Variants in MOB3B observed in about 807,000 individuals in gnomAD.
The protein encoded by MOB3B is MOB kinase activator-like 2B.
In MOB3B, 7 loss-of-function variants were observed where a neutral mutation model predicts 18.7. The observed-to-expected ratio is 0.37, with a 90% CI of 0.21 to 0.70. The LOEUF (loss-of-function observed/expected upper bound fraction) is 0.70. MOB3B is among the 30% of genes least tolerant of loss of function. The pLI, the probability that MOB3B is intolerant of heterozygous loss-of-function variation, is 0.52. For missense variants in MOB3B, 253 were observed against 281.3 expected, an observed-to-expected ratio of 0.90 and a Z score of 0.72; for synonymous variants, 111 against 99.9, an observed-to-expected ratio of 1.11 and a Z score of -0.66.
At chr9:27,337,376 C>T (rs1042160537) in intron 3 of MOB3B, among the ~76,000 whole-genome samples, 1 of 152,096 alleles carries the variant, frequency 6.6e-6, no homozygotes, top group African/African-American at 2.4e-5. Context: ...TTGAAAATTC[C>T]CTCTCTCATG....
chr9:27,520,390 G>A (rs892013750), intron 1 of MOB3B, among the ~76,000 whole-genome samples: 1 of 152,242 alleles, frequency 6.6e-6, no homozygotes, highest in Admixed American at 6.5e-5. Context: ...TGGAAACCAT[G>A]TTAGCATGTC....
At chr9:27,330,830 C>G (rs983157857) in intron 3 of MOB3B, among the ~76,000 whole-genome samples, 9 of 151,888 alleles carry the variant, frequency 5.9e-5, no homozygotes, top group African/African-American at 1.9e-4. Context: ...AAATTTGACT[C>G]ATGTATCAAA....
Position 27,325,619 on chromosome 9 carries a change from C to G in MOB3B, c.*4968G>C, listed in dbSNP as rs1820699113. 1 of 152,126 alleles carries G rather than the reference C, an allele frequency of 6.6e-6. No homozygotes were observed. The highest frequency in any genetic ancestry group is 1.5e-5 in the Non-Finnish European group (1 of 68,008). 9.4% of individuals were successfully genotyped at this position (152,126 alleles called of 1,614,324 possible). A position where few individuals can be genotyped will look rare whatever the true frequency, so the allele number is the denominator to read the frequency against. On this transcript the variant is annotated 3_prime_UTR_variant, in exon 4 of 4. Coordinates refer to ENST00000262244, the MANE Select transcript of MOB3B (RefSeq NM_024761.5). ...AAGGCAGGAAAACAATCATTATTTCCAAACACACTTTGTTTGTCTAATTCT... is the reference window on the plus strand; with the variant it reads ...AAGGCAGGAAAACAATCATTATTTCGAAACACACTTTGTTTGTCTAATTCT...
At chr9:27,457,161 T>C (rs1209826241) in intron 1 of MOB3B, among the ~76,000 whole-genome samples, 3 of 152,230 alleles carry the variant, frequency 2.0e-5, no homozygotes, top group Non-Finnish European at 4.4e-5. Flanking sequence ...TTCCCAAAAG[T>C]AATGGACTTC....
At chr9:27,529,144 TAA>T (rs1336942413) in intron 1 of MOB3B, among the ~76,000 whole-genome samples, 1 of 152,094 alleles carries the variant, frequency 6.6e-6, no homozygotes, top group Non-Finnish European at 1.5e-5. Flanking sequence ...CGCACTTTTG[TAA>T]AAGTTTGTCT....
At chr9:27,382,717 G>T (rs977769976) in intron 2 of MOB3B, among the ~76,000 whole-genome samples, 3 of 147,954 alleles carry the variant, frequency 2.0e-5, no homozygotes, top group African/African-American at 7.5e-5. Context: ...AGGTGAAGGT[G>T]ATATATATAT....
At chr9:27,343,123 T>A (rs1406692451) in intron 3 of MOB3B, among the ~76,000 whole-genome samples, 1 of 151,932 alleles carries the variant, frequency 6.6e-6, no homozygotes, top group Non-Finnish European at 1.5e-5. Context: ...CATTTTGTTC[T>A]GTACTAAGAA....
chr9:27,446,759 G>A (rs77958548), intron 2 of MOB3B, among the ~76,000 whole-genome samples: 334 of 152,210 alleles, frequency 2.2e-3, no homozygotes, highest in African/African-American at 7.9e-3. Flanking sequence ...CCATGAAGCA[G>A]GTACCTGTAT....
intron 2 of MOB3B, among the ~76,000 whole-genome samples, chr9:27,406,913 A>T (rs1288285584): frequency 1.3e-5 from 2 of 151,418 alleles, no homozygotes; most frequent in East Asian, 3.9e-4. Context: ...ATCTCGGCTC[A>T]CTGCAACCTC....
chr9:27,356,982 G>A (rs1821198465), intron 3 of MOB3B, among the ~76,000 whole-genome samples: 1 of 150,738 alleles, frequency 6.6e-6, no homozygotes, highest in Non-Finnish European at 1.5e-5. Context: ...AGACAACTCG[G>A]TTCCTGCCCC....
intron 3 of MOB3B, among the ~76,000 whole-genome samples, chr9:27,342,580 C>T (rs1820962658): frequency 6.6e-6 from 1 of 152,200 alleles, no homozygotes; most frequent in Non-Finnish European, 1.5e-5. Flanking sequence ...GATTCTCCTG[C>T]CTCAGCCTGC....
At chr9:27,335,604 A>G (rs947174963) in intron 3 of MOB3B, among the ~76,000 whole-genome samples, 1 of 152,100 alleles carries the variant, frequency 6.6e-6, no homozygotes, top group Non-Finnish European at 1.5e-5. Flanking sequence ...TCAGGCACTC[A>G]ACCTCATCCC....
At chr9:27,339,468 G>C (rs1820910231) in intron 3 of MOB3B, among the ~76,000 whole-genome samples, 2 of 152,210 alleles carry the variant, frequency 1.3e-5, no homozygotes, top group Non-Finnish European at 2.9e-5. Context: ...AGTGATAAGA[G>C]AGCCATCATT....
chr9:27,498,360 C>T (rs10116539), intron 1 of MOB3B, among the ~76,000 whole-genome samples: 3,186 of 152,198 alleles, frequency 0.021, 104 homozygotes, highest in African/African-American at 0.072. Context: ...CTTTGGGAGT[C>T]GTATGAGCTG....
At chr9:27,399,187 A>T (rs1821841390) in intron 2 of MOB3B, among the ~76,000 whole-genome samples, 1 of 152,116 alleles carries the variant, frequency 6.6e-6, no homozygotes, top group South Asian at 2.1e-4. Flanking sequence ...TCAAGATGCA[A>T]ATTTATAGAG....
At chr9:27,490,941 G>C (rs1213278058) in intron 1 of MOB3B, among the ~76,000 whole-genome samples, 1 of 149,794 alleles carries the variant, frequency 6.7e-6, no homozygotes, top group Non-Finnish European at 1.5e-5. Flanking sequence ...AGAATAAAAA[G>C]AGTATTTATC....
In MOB3B at chr9:27,381,551, C is replaced by T. The variant is rs144041701; in HGVS notation, c.419-22315G>A. ...GTGGATAGCAGAGAACTGGGTGTAACGGCAACACCAGTCATCGCACTCTAG... is the reference window on the plus strand; with the variant it reads ...GTGGATAGCAGAGAACTGGGTGTAATGGCAACACCAGTCATCGCACTCTAG... On this transcript the variant is annotated intron_variant, in intron 2 of 3. Coordinates refer to ENST00000262244, the MANE Select transcript of MOB3B (RefSeq NM_024761.5). Among the ~76,000 whole-genome samples, 74 of 152,252 alleles carry T rather than the reference C, an allele frequency of 4.9e-4. 1 individual carries two copies. Among genetic ancestry groups the T allele is most frequent in the South Asian group, 2.9e-3 (14 of 4,818 alleles).
chr9:27,348,585 G>A (rs1821063130), intron 3 of MOB3B, among the ~76,000 whole-genome samples: 1 of 152,000 alleles, frequency 6.6e-6, no homozygotes, highest in South Asian at 2.1e-4. Flanking sequence ...CCAGGGAGGT[G>A]GAGGTTGCAG....
chr9:27,343,393 A>G (rs920777792), intron 3 of MOB3B, among the ~76,000 whole-genome samples: 2 of 148,872 alleles, frequency 1.3e-5, no homozygotes, highest in Admixed American at 1.4e-4. Flanking sequence ...TCACATGTTT[A>G]TCTGCTGACC....
Sources: allele counts gnomAD v4.1 joint callset (sites outside exome capture counted in the v4.1 genomes callset), GRCh38; gene constraint gnomAD v4.1.1; transcripts MANE v1.5; gene names NCBI Gene and HGNC (gene_info 2026-07-23, HGNC 2026-07-21).